Variants in JAK2 observed in about 807,000 individuals in gnomAD.
The protein encoded by JAK2 is Janus kinase 2, also known as tyrosine-protein kinase JAK2.
Under a neutral mutation model 139.3 loss-of-function variants are expected in JAK2, and 86 were observed. That is an observed-to-expected ratio of 0.62 (90% CI 0.52 to 0.74). JAK2 has a LOEUF of 0.74. JAK2 is among the 30% of genes least tolerant of loss of function. The pLI is 0.00. For synonymous variants in JAK2, 490 were observed against 437.7 expected, an observed-to-expected ratio of 1.12 and a Z score of -1.49; for missense variants, 1,421 against 1,360.3, an observed-to-expected ratio of 1.04 and a Z score of -0.70.
At chr9:5,034,024 C>G (rs930374528) in intron 4 of JAK2, among the ~76,000 whole-genome samples, 7 of 151,738 alleles carry the variant, frequency 4.6e-5, no homozygotes, top group African/African-American at 1.5e-4. Flanking sequence ...CACATAGGCT[C>G]AAAATAAAGG....
intron 4 of JAK2, among the ~76,000 whole-genome samples, chr9:5,037,397 C>T (rs550331687): frequency 6.6e-6 from 1 of 152,266 alleles, no homozygotes; most frequent in Admixed American, 6.5e-5. Context: ...GCTATAAAGA[C>T]ACATGCACAC....
At chr9:5,018,759 A>C (rs1367819538) in intron 2 of JAK2, among the ~76,000 whole-genome samples, 4 of 152,168 alleles carry the variant, frequency 2.6e-5, no homozygotes, top group East Asian at 1.9e-4. Flanking sequence ...TCCTTTGCTT[A>C]ATGAAGGATA....
chr9:4,993,629 C>T (rs1203339403), intron 2 of JAK2, among the ~76,000 whole-genome samples: 2 of 152,206 alleles, frequency 1.3e-5, no homozygotes, highest in Non-Finnish European at 2.9e-5. Context: ...TATCATTTCT[C>T]TCACTTTGCT....
chr9:5,066,677 G>C lies in JAK2; in HGVS notation c.1215-1G>C. 1 of 1,544,348 alleles carries C rather than the reference G, an allele frequency of 6.5e-7. No homozygotes were observed. Among genetic ancestry groups the C allele is most frequent in the Non-Finnish European group, 9.0e-7 (1 of 1,117,248 alleles). On this transcript the variant is annotated splice_acceptor_variant, in intron 9 of 24. Coordinates refer to ENST00000381652, the MANE Select transcript of JAK2 (RefSeq NM_004972.4). LOFTEE classifies it high-confidence loss of function. ...TCAAATTGCTTCTTCTTTACCTTTA[G>C]GATGGATTTTGCCATTAGTAAACTG...
At chr9:4,994,053 G>A (rs1481688766) in intron 2 of JAK2, among the ~76,000 whole-genome samples, 1 of 152,178 alleles carries the variant, frequency 6.6e-6, no homozygotes, top group Non-Finnish European at 1.5e-5. Flanking sequence ...ACTCGTGACT[G>A]AACTGAATTG....
chr9:5,051,533 C>G lies in JAK2; in HGVS notation c.614+702C>G, dbSNP rs548786285. Among the ~76,000 whole-genome samples the G allele has an allele frequency of 6.2e-4, 94 of 152,170 alleles. 1 individual carries two copies. Among genetic ancestry groups the G allele is most frequent in the African/African-American group, 2.2e-3 (93 of 41,532 alleles). ...ACAAATATGAATTTTTACAGATGCT[C>G]TAGGGTATTCTTATACAAATGGTCC... On this transcript the variant is annotated intron_variant, in intron 6 of 24. Transcript: ENST00000381652.
At chr9:5,075,628 C>G (rs10283564) in intron 14 of JAK2, among the ~76,000 whole-genome samples, 35,081 of 152,070 alleles carry the variant, frequency 0.23, 4,408 homozygotes, top group South Asian at 0.3. Flanking sequence ...AGATTGCTTT[C>G]AAAGTATTAC....
chr9:5,121,898 G>C (rs1249931830), intron 22 of JAK2, among the ~76,000 whole-genome samples: 3 of 152,142 alleles, frequency 2.0e-5, no homozygotes. Flanking sequence ...ATTTTGCAAG[G>C]AGTGAGGGAA....
intron 22 of JAK2, chr9:5,112,471 C>T (rs1429137176): frequency 3.7e-6 from 2 of 544,234 alleles, no homozygotes; most frequent in Non-Finnish European, 6.7e-6. Flanking sequence ...CCCCCGGGAC[C>T]GGACCAGCCC....
At chr9:5,010,077 A>G (rs1821594303) in intron 2 of JAK2, among the ~76,000 whole-genome samples, 1 of 152,108 alleles carries the variant, frequency 6.6e-6, no homozygotes, top group Non-Finnish European at 1.5e-5. Flanking sequence ...TAGCCTATGT[A>G]TGTTTTAAAT....
intron 4 of JAK2, among the ~76,000 whole-genome samples, chr9:5,043,328 A>G (rs1367149530): frequency 1.3e-5 from 2 of 152,208 alleles, no homozygotes; most frequent in Non-Finnish European, 2.9e-5. Flanking sequence ...AAAAAAGGAA[A>G]AATGAAACCC....
At chr9:5,024,972 G>A (rs1222051566) in intron 3 of JAK2, among the ~76,000 whole-genome samples, 1 of 152,292 alleles carries the variant, frequency 6.6e-6, no homozygotes, top group African/African-American at 2.4e-5. Context: ...CGGGGCTGGT[G>A]GGCAGGACAT....
At chr9:5,024,543 T>C (rs1822651902) in intron 3 of JAK2, among the ~76,000 whole-genome samples, 1 of 152,076 alleles carries the variant, frequency 6.6e-6, no homozygotes, top group African/African-American at 2.4e-5. Flanking sequence ...TTCTAAGTTC[T>C]GTTCCTTGGG....
Position 5,064,947 on chromosome 9 carries a change from G to T in JAK2, c.1121G>T (p.Arg374Ile). 1.2e-6 allele frequency: 2 copies of T among 1,605,480 alleles called. No homozygotes were observed. The highest frequency in any genetic ancestry group is 1.7e-6 in the Non-Finnish European group (2 of 1,174,560). The change falls in exon 9 of 25, where the codon AGA (arginine) becomes ATA (isoleucine). Residue 374 changes from arginine (R) to isoleucine (I), a missense_variant. Transcript: ENST00000381652. ...GTGTCATTAATTGATGGATATTATA[G>T]ATTAACTGCAGATGCACATCATTAC... ...SFVSLIDGYY[R>I]LTADAHHYLC...
chr9:5,031,299 T>A (rs1587848712), intron 4 of JAK2, among the ~76,000 whole-genome samples: 2 of 152,208 alleles, frequency 1.3e-5, no homozygotes, highest in South Asian at 4.1e-4. Flanking sequence ...CCAGGAGATA[T>A]TTTCACATTA....
At chr9:5,029,162 CTAGAGGCCATTGTAGGAT>C (rs1284504245) in intron 3 of JAK2, among the ~76,000 whole-genome samples, 1 of 152,024 alleles carries the variant, frequency 6.6e-6, no homozygotes, top group Non-Finnish European at 1.5e-5. Context: ...CCTTGAATGC[CTAGAGGCCATTGTAGGAT>C]TATTAATTGG....
intron 8 of JAK2, among the ~76,000 whole-genome samples, chr9:5,063,367 G>C (rs1818325422): frequency 6.6e-6 from 1 of 152,066 alleles, no homozygotes; most frequent in Non-Finnish European, 1.5e-5. Flanking sequence ...TTCTTTTCTG[G>C]AGAAGTACCT....
rs561941487 is a variant in JAK2 at position 5,122,911 on chromosome 9, T to A, written c.3060-93T>A. On this transcript the variant is annotated intron_variant, in intron 22 of 24. Transcript: ENST00000381652. ...CTGTGATAACTCTTTTCTCTACATG[T>A]TTTTTTTTTTAATTTATACAATGAT... The A allele has an allele frequency of 7.4e-6, 3 of 405,206 alleles. No homozygotes were observed. In the East Asian group the frequency reaches 1.7e-4, roughly 23 times the overall value. The allele number at this position is 405,206 out of a possible 1,614,324, so 25.1% of individuals were successfully genotyped here.
At chr9:5,121,480 G>A (rs1021434692) in intron 22 of JAK2, among the ~76,000 whole-genome samples, 1 of 152,126 alleles carries the variant, frequency 6.6e-6, no homozygotes, top group African/African-American at 2.4e-5. Flanking sequence ...CATGACAGGA[G>A]GTAGTTTTGC....
Sources: gnomAD v4.1 joint callset for allele counts (sites outside exome capture counted in the v4.1 genomes callset) on GRCh38, gnomAD v4.1.1 for gene constraint, MANE v1.5 for transcripts, NCBI Gene and HGNC (gene_info 2026-07-23, HGNC 2026-07-21) for gene names.